The following PLSCR5 variants were observed in gnomAD, a reference collection of about 807,000 sequenced individuals.
PLSCR5 encodes phospholipid scramblase family, member 5.
Under a neutral mutation model 33.6 loss-of-function variants are expected in PLSCR5, and 44 were observed. The ratio of observed to expected loss-of-function variants is 1.31; its 90% CI spans 1.03 to 1.69. PLSCR5 has a LOEUF of 1.69. Among genes scored for constraint, PLSCR5 ranks in the 40% most tolerant of loss-of-function variants. The pLI, the probability that PLSCR5 is intolerant of heterozygous loss-of-function variation, is 0.00. For missense variants in PLSCR5, 375 were observed against 318.7 expected (o/e 1.18, Z -1.34); for synonymous variants, 148 against 112.3 (o/e 1.32, Z -2.01).
At chr3:146,580,532 T>C (rs1163039971) in intron 7 of PLSCR5, among the ~76,000 whole-genome samples, 1 of 147,572 alleles carries the variant, frequency 6.8e-6, no homozygotes, top group Non-Finnish European at 1.5e-5. Flanking sequence ...TGGTACGATT[T>C]CGGCTCACTG....
chr3:146,605,308 T>G lies in PLSCR5; in HGVS notation c.-96A>C. ...AGAGAAAACGCAGCATGCACAAAAC[T>G]TCAGAACGTGTTTGTCTGCCTCTTG... On this transcript the variant is annotated 5_prime_UTR_variant, in exon 1 of 8. Coordinates refer to ENST00000443512, the MANE Select transcript of PLSCR5 (RefSeq NM_001085420.2). 6.3e-7 allele frequency: 1 copy of G among 1,595,274 alleles called. No individual in the cohort carries two copies. The highest frequency in any genetic ancestry group is 1.3e-5 in the African/African-American group (1 of 74,258).
intron 7 of PLSCR5, among the ~76,000 whole-genome samples, chr3:146,577,985 T>C (rs942616437): frequency 1.1e-4 from 17 of 152,162 alleles, no homozygotes; most frequent in Non-Finnish European, 1.8e-4. Flanking sequence ...ATGTATTTTC[T>C]ACAGCTAGCT....
chr3:146,581,540 C>T (rs1284151331), downstream of PLSCR5, among the ~76,000 whole-genome samples: 1 of 152,114 alleles, frequency 6.6e-6, no homozygotes, highest in Non-Finnish European at 1.5e-5. Context: ...TATAATATCC[C>T]CAGTGCCTAA....
At chr3:146,597,530 C>T (rs747266352) in intron 2 of PLSCR5, among the ~76,000 whole-genome samples, 1 of 152,140 alleles carries the variant, frequency 6.6e-6, no homozygotes, top group Non-Finnish European at 1.5e-5. Context: ...TCCCCATCCT[C>T]TGTAATAACA....
chr3:146,580,839 C>T (rs966960488), downstream of PLSCR5, among the ~76,000 whole-genome samples: 18 of 152,152 alleles, frequency 1.2e-4, no homozygotes, highest in African/African-American at 2.4e-4. Flanking sequence ...TTCTGGTCTA[C>T]GCTAAAATGT....
chr3:146,589,184 T>C (rs2044688964), intron 6 of PLSCR5, among the ~76,000 whole-genome samples: 1 of 152,172 alleles, frequency 6.6e-6, no homozygotes. Context: ...TGGCAACTGG[T>C]ACCTATTAAC....
chr3:146,586,834 T>A (rs1222070319), intron 6 of PLSCR5, among the ~76,000 whole-genome samples: 2 of 152,144 alleles, frequency 1.3e-5, no homozygotes, highest in Non-Finnish European at 2.9e-5. Flanking sequence ...GAAACAGCAA[T>A]TAAAAATTAA....
chr3:146,600,520 C>A (rs1193268047), intron 1 of PLSCR5, 57 bp from the exon 2 acceptor site: 3 of 1,404,244 alleles, frequency 2.1e-6, no homozygotes, highest in Non-Finnish European at 2.8e-6. Flanking sequence ...TTATTTAGTC[C>A]TTCTTAAAGT....
At chr3:146,605,172 G>A (rs750024059) in intron 1 of PLSCR5, 28 bp downstream of exon 1, 6 of 1,596,798 alleles carry the variant, frequency 3.8e-6, no homozygotes, top group Non-Finnish European at 5.1e-6. Flanking sequence ...ATAAGAAAAA[G>A]TTATTAGTTG....
intron 2 of PLSCR5, among the ~76,000 whole-genome samples, chr3:146,595,499 C>T (rs1487678344): frequency 3.3e-5 from 5 of 152,024 alleles, no homozygotes; most frequent in African/African-American, 1.2e-4. Flanking sequence ...GTCCCAGCTA[C>T]ACAGGAGAGA....
chr3:146,576,922 A>G (rs895806295), intron 7 of PLSCR5, among the ~76,000 whole-genome samples: 3 of 151,998 alleles, frequency 2.0e-5, no homozygotes, highest in Admixed American at 6.6e-5. Context: ...AATAAAAGTT[A>G]TACTATTTTG....
intron 2 of PLSCR5, among the ~76,000 whole-genome samples, chr3:146,597,108 A>T (rs1054444853): frequency 6.6e-6 from 1 of 152,190 alleles, no homozygotes; most frequent in Non-Finnish European, 1.5e-5. Context: ...GAGTTTAGGT[A>T]CTTTGAATAC....
chr3:146,591,236 G>C (rs569799646), intron 5 of PLSCR5, among the ~76,000 whole-genome samples: 285 of 152,012 alleles, frequency 1.9e-3, no homozygotes, highest in Middle Eastern at 3.4e-3. Flanking sequence ...CAAGAATGAA[G>C]TGCTAATTTT....
At chr3:146,604,676 T>C (rs924840079) in intron 1 of PLSCR5, among the ~76,000 whole-genome samples, 1 of 152,118 alleles carries the variant, frequency 6.6e-6, no homozygotes, top group African/African-American at 2.4e-5. Context: ...GAATGCTTGA[T>C]GGGATGGATA....
At chr3:146,595,253 A>T (rs892669720) in intron 2 of PLSCR5, among the ~76,000 whole-genome samples, 170 bp from the exon 3 acceptor site, 22 of 150,978 alleles carry the variant, frequency 1.5e-4, no homozygotes, top group African/African-American at 4.9e-4. Context: ...AAAGAACGTA[A>T]TTTTTTTTTT....
rs913008952 is a variant in PLSCR5, at chr3:146,595,344, G to A, written c.190-261C>T. Among the ~76,000 whole-genome samples, 4 of 152,248 alleles carry A rather than the reference G, an allele frequency of 2.6e-5. No individual in the cohort carries two copies. The South Asian group carries it at 6.2e-4, about 24-fold the overall frequency. On this transcript the variant is annotated intron_variant, in intron 2 of 7. Transcript: ENST00000443512. ...AATAAGAATAGCAACGGGGCTGGGC[G>A]CAGTGGCTCATGCCTATAAATCCAG... is the stretch of plus-strand genomic sequence containing the variant.
downstream of PLSCR5, among the ~76,000 whole-genome samples, chr3:146,580,840 G>A (rs1228599051): frequency 6.6e-6 from 1 of 152,046 alleles, no homozygotes. Context: ...TCTGGTCTAC[G>A]CTAAAATGTA....
chr3:146,592,672 A>T (rs1352756686), intron 4 of PLSCR5, among the ~76,000 whole-genome samples: 1 of 152,130 alleles, frequency 6.6e-6, no homozygotes, highest in Non-Finnish European at 1.5e-5. Context: ...GATAAAAGTG[A>T]TTTCAACTAG....
Position 146,591,699 on chromosome 3 carries a change from CT to C in PLSCR5, c.615+20del, listed in dbSNP as rs1478206382. The C allele has an allele frequency of 1.9e-6, 3 of 1,593,790 alleles. No homozygotes were observed. Among genetic ancestry groups the C allele is most frequent in the Middle Eastern group, 1.7e-4 (1 of 6,026 alleles). Reference sequence around the variant, plus strand: ...AAAATCAGGACCTAAATGAAAACTTCTTTCATTTTGTCAATTGTACCTCAAA... The same window carrying C: ...AAAATCAGGACCTAAATGAAAACTTCTTCATTTTGTCAATTGTACCTCAAA... On this transcript the variant is annotated intron_variant, in intron 5 of 7. Coordinates refer to ENST00000443512, the MANE Select transcript of PLSCR5 (RefSeq NM_001085420.2).
Sources: gnomAD v4.1 joint callset for allele counts (sites outside exome capture counted in the v4.1 genomes callset) on GRCh38, gnomAD v4.1.1 for gene constraint, MANE v1.5 for transcripts, NCBI Gene and HGNC (gene_info 2026-07-23, HGNC 2026-07-21) for gene names.